The following INSL6 variants were observed in gnomAD, a reference collection of about 807,000 sequenced individuals.
INSL6 encodes the protein insulin-like peptide INSL6.
INSL6 carries 16 observed loss-of-function variants against 9.4 expected under a neutral mutation model. The ratio of observed to expected loss-of-function variants is 1.70; its 90% CI spans 1.15 to 2.59. The LOEUF (loss-of-function observed/expected upper bound fraction) is 2.59. Ranked by LOEUF, INSL6 falls within the 30% of genes most tolerant of loss-of-function variation. INSL6 has a pLI of 0.00. For synonymous variants in INSL6, 154 were observed against 96.9 expected (o/e 1.59, Z -3.46); for missense variants, 391 against 257.3 (o/e 1.52, Z -3.56).
At chr9:5,070,089 C>T in the INSL6 span, 2 of 1,462,054 alleles carry the variant, frequency 1.4e-6, no homozygotes, top group Non-Finnish European at 1.9e-6. Context: ...CTTTTTTGTC[C>T]TTTTAAAACA....
At chr9:5,143,919 C>A (rs1015886025) in intron 2 of INSL6, among the ~76,000 whole-genome samples, 3 of 152,172 alleles carry the variant, frequency 2.0e-5, no homozygotes, top group African/African-American at 7.2e-5. Context: ...CTCAGCCTCC[C>A]AAAGTGCTGG....
the INSL6 span, chr9:5,054,622 C>T: frequency 6.2e-7 from 1 of 1,612,452 alleles, no homozygotes; most frequent in Non-Finnish European, 8.5e-7. The surrounding 1 kb of genome is among the most constrained non-coding windows in gnomAD (Gnocchi z 4.9). Context: ...CATATTTTGA[C>T]AAGGAAGCGA....
the INSL6 span, among the ~76,000 whole-genome samples, chr9:5,037,192 A>G: frequency 6.6e-6 from 1 of 152,190 alleles, no homozygotes; most frequent in East Asian, 1.9e-4. Context: ...GCGATCATTA[A>G]AAAGTCAGGA....
chr9:5,175,131 G>A (rs1199769030), intron 1 of INSL6, among the ~76,000 whole-genome samples: 2 of 151,950 alleles, frequency 1.3e-5, no homozygotes, highest in Non-Finnish European at 1.5e-5. Flanking sequence ...TAGTAGAGAT[G>A]GGGTTTCAAC....
At chr9:5,057,606 T>C in the INSL6 span, among the ~76,000 whole-genome samples, 1 of 141,276 alleles carries the variant, frequency 7.1e-6, no homozygotes, top group African/African-American at 2.7e-5. Context: ...TTTTTTGAGA[T>C]GAGTCTTGCC....
chr9:5,126,987 A>C, intron 3 of INSL6: 1 of 334,224 alleles, frequency 3.0e-6, no homozygotes. Flanking sequence ...AAAAGACATT[A>C]ATGAGAATTC....
chr9:5,010,541 G>A, the INSL6 span, among the ~76,000 whole-genome samples: 3 of 152,166 alleles, frequency 2.0e-5, no homozygotes, highest in South Asian at 4.1e-4. Flanking sequence ...GGTTGGTCTC[G>A]AACTCCTGAC....
At chr9:5,023,942 AGTAAGATTTTAGCTT>A in the INSL6 span, among the ~76,000 whole-genome samples, 1 of 152,072 alleles carries the variant, frequency 6.6e-6, no homozygotes, top group South Asian at 2.1e-4. Context: ...TTTTTTAGCT[AGTAAGATTTTAGCTT>A]GTAAGATTTT....
chr9:5,122,921 T>A (rs991312275), downstream of INSL6: 65 of 823,046 alleles, frequency 7.9e-5, no homozygotes, highest in Middle Eastern at 2.5e-4. Flanking sequence ...TTTTTTTTTT[T>A]AATTTATACA....
the INSL6 span, among the ~76,000 whole-genome samples, chr9:5,077,202 A>G: frequency 6.7e-6 from 1 of 150,348 alleles, no homozygotes. Context: ...GTGCTGGTAT[A>G]TTATATATTA....
chr9:5,160,317 C>A (rs944983119), downstream of INSL6, among the ~76,000 whole-genome samples: 3 of 151,776 alleles, frequency 2.0e-5, no homozygotes, highest in Admixed American at 2.0e-4. Context: ...TATACAAACA[C>A]ATGGAAATTA....
the INSL6 span, chr9:5,110,729 G>A: frequency 1.9e-5 from 7 of 361,026 alleles, no homozygotes; most frequent in African/African-American, 4.3e-5. Flanking sequence ...GCTGGCTATA[G>A]TACCCGTGTT....
At chr9:5,081,628 T>A in the INSL6 span, 3 of 784,714 alleles carry the variant, frequency 3.8e-6, no homozygotes, top group East Asian at 7.7e-5. Context: ...TTAGTATTTT[T>A]AACTCACGAT....
the INSL6 span, chr9:5,085,965 C>A: frequency 1.8e-6 from 2 of 1,100,528 alleles, no homozygotes; most frequent in African/African-American, 3.1e-5. Flanking sequence ...GTATTTCTCA[C>A]CACTGTGTGT....
At chr9:5,010,866 A>G in the INSL6 span, among the ~76,000 whole-genome samples, 6 of 152,288 alleles carry the variant, frequency 3.9e-5, no homozygotes, top group Middle Eastern at 3.4e-3. Flanking sequence ...CTTATTTTTT[A>G]TAATACAACA....
the INSL6 span, among the ~76,000 whole-genome samples, chr9:5,016,293 T>C: frequency 6.6e-6 from 1 of 152,178 alleles, no homozygotes; most frequent in Non-Finnish European, 1.5e-5. Context: ...GGCAGGAATT[T>C]TAACCTGCTG....
chr9:5,092,110 A>C, the INSL6 span, among the ~76,000 whole-genome samples: 2 of 152,174 alleles, frequency 1.3e-5, no homozygotes, highest in African/African-American at 4.8e-5. Context: ...AAGCACAAGT[A>C]AATACATAAA....
chr9:5,039,520 C>G, the INSL6 span, among the ~76,000 whole-genome samples: 16 of 151,980 alleles, frequency 1.1e-4, no homozygotes, highest in Non-Finnish European at 1.5e-4. Flanking sequence ...GGTTCTGGAA[C>G]TAGTACTGCA....
At chr9:5,132,225 T>A (rs1193533494) in intron 3 of INSL6, 1 of 152,206 alleles carries the variant, frequency 6.6e-6, no homozygotes, top group African/African-American at 2.4e-5. Flanking sequence ...TTCTAAAAAT[T>A]GAGACTTTAC....
Sources: allele counts gnomAD v4.1 joint callset (sites outside exome capture counted in the v4.1 genomes callset), GRCh38; gene constraint gnomAD v4.1.1; non-coding constraint Gnocchi (gnomAD v3.1); transcripts MANE v1.5; gene names NCBI Gene and HGNC (gene_info 2026-07-23, HGNC 2026-07-21).